The following ANK1 variants were observed in gnomAD, a reference collection of about 807,000 sequenced individuals.
ANK1 encodes ankyrin-1.
Under a neutral mutation model 210.4 loss-of-function variants are expected in ANK1, and 51 were observed. That is an observed-to-expected ratio of 0.24 (90% CI 0.19 to 0.31). The LOEUF is 0.31. ANK1 is among the 10% of genes least tolerant of loss of function. The pLI is 1.00. For synonymous variants in ANK1, 967 were observed against 1,025.9 expected (o/e 0.94, Z 1.10); for missense variants, 2,051 against 2,504.4 (o/e 0.82, Z 3.86).
chr8:41,661,740 C>T (rs1191969009), intron 41 of ANK1, 136 bp downstream of exon 41: 3 of 1,606,840 alleles, frequency 1.9e-6, no homozygotes, highest in Non-Finnish European at 2.5e-6. Flanking sequence ...TGCAGACGGC[C>T]CGGCAGAGCA....
intron 1 of ANK1, among the ~76,000 whole-genome samples, chr8:41,770,481 A>G (rs914737725): frequency 6.6e-6 from 1 of 152,252 alleles, no homozygotes; most frequent in Non-Finnish European, 1.5e-5. Flanking sequence ...CTCGGTTCTT[A>G]TAATTCTTAA....
At chr8:41,698,372 T>C (rs1041185854) in intron 23 of ANK1, among the ~76,000 whole-genome samples, 3 of 151,996 alleles carry the variant, frequency 2.0e-5, no homozygotes, top group African/African-American at 7.3e-5. Context: ...TATATCTTTC[T>C]GTGTTGCTAC....
chr8:41,706,438 G>A (rs1180839950), intron 17 of ANK1, among the ~76,000 whole-genome samples, 197 bp from the exon 18 acceptor site: 1 of 152,228 alleles, frequency 6.6e-6, no homozygotes. Context: ...CCAGGGGTTG[G>A]CAACTTTTGC....
chr8:41,851,236 G>A (rs536992804), intron 1 of ANK1, among the ~76,000 whole-genome samples: 6 of 152,294 alleles, frequency 3.9e-5, no homozygotes, highest in East Asian at 3.9e-4. Flanking sequence ...TTCTCTCTTC[G>A]TCTGTCTCTT....
intron 1 of ANK1, among the ~76,000 whole-genome samples, chr8:41,872,788 T>C (rs1488309818): frequency 6.6e-6 from 1 of 152,148 alleles, no homozygotes; most frequent in East Asian, 1.9e-4. Flanking sequence ...CTCCCTGGAG[T>C]GACCTGTAGG....
At chr8:41,766,010 G>A (rs1841711048) in intron 1 of ANK1, among the ~76,000 whole-genome samples, 1 of 152,144 alleles carries the variant, frequency 6.6e-6, no homozygotes, top group South Asian at 2.1e-4. Context: ...AAGATTTTTA[G>A]TACAAAATTC....
chr8:41,774,756 C>CCCGCAGCACCAAGCACCAAGCA (rs1396213239), intron 1 of ANK1, among the ~76,000 whole-genome samples: 1 of 152,262 alleles, frequency 6.6e-6, no homozygotes, highest in Non-Finnish European at 1.5e-5. Flanking sequence ...AGCACCCTGG[C>CCCGCAGCACCAAGCACCAAGCA]CCACGCCGCA....
chr8:41,865,480 C>T (rs995998147), intron 1 of ANK1, among the ~76,000 whole-genome samples: 2 of 151,958 alleles, frequency 1.3e-5, no homozygotes, highest in African/African-American at 4.8e-5. Flanking sequence ...CCACTCTGTG[C>T]TCCGAGGCCT....
chr8:41,887,247 T>C, intron 1 of ANK1, among the ~76,000 whole-genome samples: 1 of 130,264 alleles, frequency 7.7e-6, no homozygotes, highest in African/African-American at 3.1e-5. Flanking sequence ...CTTTCCTTTT[T>C]TTTTTTTTTT....
chr8:41,748,851 C>T (rs1015331113), intron 2 of ANK1, among the ~76,000 whole-genome samples: 4 of 152,274 alleles, frequency 2.6e-5, no homozygotes, highest in Non-Finnish European at 4.4e-5. Flanking sequence ...CCAGCTAACA[C>T]AGTGAAATCC....
chr8:41,837,090 C>T (rs75801106), intron 1 of ANK1, among the ~76,000 whole-genome samples: 2 of 152,158 alleles, frequency 1.3e-5, no homozygotes, highest in Non-Finnish European at 2.9e-5. Context: ...GAGAGAAGAT[C>T]CTCAATAAAT....
intron 1 of ANK1, among the ~76,000 whole-genome samples, chr8:41,862,099 T>G (rs572730810): frequency 6.6e-6 from 1 of 152,306 alleles, no homozygotes; most frequent in African/African-American, 2.4e-5. Context: ...AAAATGTATT[T>G]AACCTCTTCC....
chr8:41,807,986 A>T lies in ANK1; in HGVS notation c.127-49849T>A, dbSNP rs1485195130. The stretch of plus-strand genomic sequence containing the variant: ...GGAGGAGGGGAGGAGGAGGAGGAAG[A>T]AGAGAGGATGATGAAAGAGGAAGAG... On this transcript the variant is annotated intron_variant, in intron 1 of 42. Transcript: ENST00000265709. Among the ~76,000 whole-genome samples the T allele has an allele frequency of 2.0e-5, 3 of 151,470 alleles. No individual in the cohort carries two copies. The East Asian group carries it at 5.9e-4, about 30-fold the overall frequency.
intron 42 of ANK1, chr8:41,661,104 G>A (rs1807951407): frequency 5.2e-6 from 2 of 383,196 alleles, no homozygotes. Context: ...TTGAACTCCT[G>A]GCCTAAAGCA....
At chr8:41,752,635 C>G (rs1240135463) in intron 2 of ANK1, among the ~76,000 whole-genome samples, 1 of 152,184 alleles carries the variant, frequency 6.6e-6, no homozygotes, top group African/African-American at 2.4e-5. Context: ...CACCACCCAC[C>G]TGCCGTGGAA....
At position 41,773,033 on chromosome 8, in the gene ANK1, A is replaced by C. The variant is rs1843257380; in HGVS notation, c.28-14896T>G. On this transcript the variant is annotated intron_variant, in intron 1 of 42. Coordinates refer to ENST00000289734, the MANE Select transcript of ANK1 (RefSeq NM_000037.4). ...ATGTTCCACACAAATGTCACATTGA[A>C]TTCAATCAGAAATCCAGCCTGACCC... Among the ~76,000 whole-genome samples, 3 of 152,178 alleles carry C rather than the reference A, an allele frequency of 2.0e-5. No individual in the cohort carries two copies. The South Asian group carries it at 6.2e-4, about 32-fold the overall frequency.
At chr8:41,752,748 C>T (rs555793115) in intron 2 of ANK1, among the ~76,000 whole-genome samples, 1 of 151,980 alleles carries the variant, frequency 6.6e-6, no homozygotes, top group South Asian at 2.1e-4. Flanking sequence ...CAGCCATGAC[C>T]CTCATCCAAG....
chr8:41,880,345 A>G (rs1025498198), intron 1 of ANK1, among the ~76,000 whole-genome samples: 3 of 152,222 alleles, frequency 2.0e-5, no homozygotes, highest in Admixed American at 2.0e-4. Context: ...AAGCAAAGCC[A>G]TGAGTGAGAT....
intron 1 of ANK1, among the ~76,000 whole-genome samples, chr8:41,836,154 AG>A (rs1198632126): frequency 6.6e-6 from 1 of 152,230 alleles, no homozygotes; most frequent in African/African-American, 2.4e-5. Context: ...GACTCCAACT[AG>A]GCCGGAAGTC....
Sources: gnomAD v4.1 joint callset for allele counts (sites outside exome capture counted in the v4.1 genomes callset) on GRCh38, gnomAD v4.1.1 for gene constraint, MANE v1.5 for transcripts, NCBI Gene and HGNC (gene_info 2026-07-23, HGNC 2026-07-21) for gene names.